Variants in P2RX7 observed in about 807,000 individuals in gnomAD.
P2RX7 encodes the protein P2X purinoceptor 7.
In P2RX7, 62 loss-of-function variants were observed where a neutral mutation model predicts 71.6. That is an observed-to-expected ratio of 0.87 (90% confidence interval 0.71 to 1.07). The LOEUF (loss-of-function observed/expected upper bound fraction) is 1.07, where lower values mean the gene tolerates loss of function less well. Ranked by LOEUF, P2RX7 falls within the 50% of genes least tolerant of loss-of-function variation. The probability of loss-of-function intolerance (pLI) is 0.00; values close to 1 mark genes in which losing one functional copy is unlikely to be tolerated. For synonymous variants in P2RX7, 299 were observed against 283.3 expected, an observed-to-expected ratio of 1.06 and a Z score of -0.56; for missense variants, 686 against 748.5, an observed-to-expected ratio of 0.92 and a Z score of 0.97.
At chr12:121,134,795 G>A (rs564362921) in intron 1 of P2RX7, among the ~76,000 whole-genome samples, 12 of 152,172 alleles carry the variant, frequency 7.9e-5, no homozygotes, top group Non-Finnish European at 1.5e-4. Context: ...CTTATTCTCT[G>A]TGCTGATTGA....
Position 121,186,471 on chromosome 12 carries a change from T to C in P2RX7, c.*1669T>C, listed in dbSNP as rs1020299788. Reference sequence around the variant, plus strand: ...AGGAACTTAGGTTTCCACTGGACAGTTCTAGAAGGGCTATAGACCAAATCA... The same window carrying C: ...AGGAACTTAGGTTTCCACTGGACAGCTCTAGAAGGGCTATAGACCAAATCA... On this transcript the variant is annotated 3_prime_UTR_variant, in exon 13 of 13. Coordinates refer to ENST00000328963, the MANE Select transcript of P2RX7 (RefSeq NM_002562.6). 1.3e-5 allele frequency: 2 copies of C among 152,270 alleles called. No individual in the cohort carries two copies. Among genetic ancestry groups the C allele is most frequent in the Non-Finnish European group, 2.9e-5 (2 of 68,110 alleles). The allele number at this position is 152,270 out of a possible 1,614,324, so 9.4% of individuals were successfully genotyped here.
In P2RX7 at chr12:121,154,896, A is replaced by G. The variant is rs200496294; in HGVS notation, c.237A>G (p.Gly79=). The G allele has an allele frequency of 1.2e-6, 2 of 1,614,068 alleles. No individual in the cohort carries two copies. The highest frequency in any genetic ancestry group is 1.7e-6 in the Non-Finnish European group (2 of 1,179,940). ...AEVKEEIVEN[G]VKKLVHSVFD... ...TGAAAGAGGAGATCGTGGAGAATGG[A>G]GTGAAGAAGTTGGTGCACAGTGTCT... Residue 79 remains glycine, a synonymous_variant, in exon 2 of 13, where the codon GGA becomes GGG. Coordinates refer to ENST00000328963, the MANE Select transcript of P2RX7 (RefSeq NM_002562.6). This position sits in a 1 kb window ranked among gnomAD's most constrained non-coding sequence, Gnocchi z 4.2.
At chr12:121,139,517 G>C (rs1442671806) in intron 1 of P2RX7, among the ~76,000 whole-genome samples, 1 of 152,184 alleles carries the variant, frequency 6.6e-6, no homozygotes, top group Non-Finnish European at 1.5e-5. Context: ...CAGGCTGGCT[G>C]TCGCTGTGGA....
At chr12:121,162,718 T>A (rs1279456998) in intron 5 of P2RX7, among the ~76,000 whole-genome samples, 198 bp downstream of exon 5, 3 of 152,102 alleles carry the variant, frequency 2.0e-5, no homozygotes, top group Admixed American at 6.6e-5. Flanking sequence ...TGGTAAACTG[T>A]TGTAACACTC....
chr12:121,165,250 T>A, intron 5 of P2RX7, 107 bp from the exon 6 acceptor site: 1 of 785,390 alleles, frequency 1.3e-6, no homozygotes, highest in East Asian at 2.5e-5. Flanking sequence ...TCTCTTCATG[T>A]ATCCCAAAGA....
intron 1 of P2RX7, among the ~76,000 whole-genome samples, chr12:121,141,837 G>A (rs189242570): frequency 5.9e-5 from 9 of 152,196 alleles, no homozygotes; most frequent in Admixed American, 3.9e-4. Flanking sequence ...CATGTTTAGG[G>A]AACACTCTGT....
At chr12:121,157,945 C>T (rs1878920421) in intron 3 of P2RX7, among the ~76,000 whole-genome samples, 1 of 152,196 alleles carries the variant, frequency 6.6e-6, no homozygotes, top group South Asian at 2.1e-4. Context: ...ACATGTTACT[C>T]CTCAGATAGG....
At chr12:121,150,953 T>C (rs1877262372) in intron 1 of P2RX7, among the ~76,000 whole-genome samples, 1 of 152,222 alleles carries the variant, frequency 6.6e-6, no homozygotes. Context: ...AAGTGTATTG[T>C]GCATAATATA....
rs1370271177 is a variant in P2RX7, at chr12:121,149,693, G to C, written c.126-5092G>C. Among the ~76,000 whole-genome samples, 7 of 152,122 alleles carry C rather than the reference G, an allele frequency of 4.6e-5. No homozygotes were observed. Among genetic ancestry groups the C allele is most frequent in the Admixed American group, 2.0e-4 (3 of 15,266 alleles). On this transcript the variant is annotated intron_variant, in intron 1 of 12. Transcript: ENST00000328963. The surrounding 1 kb of genome is among the most constrained non-coding windows in gnomAD (Gnocchi z 4.7). ...CAGCCAAACCATATCAGTGGCCCTG[G>C]CTTCTCTCCCATTAGCTCTGTTCTA... is the stretch of plus-strand genomic sequence containing the variant.
chr12:121,169,256 T>G (rs1881705263), intron 8 of P2RX7, among the ~76,000 whole-genome samples: 1 of 152,214 alleles, frequency 6.6e-6, no homozygotes, highest in Non-Finnish European at 1.5e-5. Flanking sequence ...TGTAAGCCAC[T>G]GCACCTGGCC....
intron 7 of P2RX7, among the ~76,000 whole-genome samples, chr12:121,167,169 T>TAAA (rs1179129491): frequency 6.6e-6 from 1 of 152,100 alleles, no homozygotes; most frequent in Non-Finnish European, 1.5e-5. Context: ...TCCAGTCTAA[T>TAAA]AAGTTTGGAC....
At position 121,184,456 on chromosome 12, in the gene P2RX7, G is replaced by A. The variant is rs1324545326; in HGVS notation, c.1442G>A (p.Ser481Asn). 1 of 1,614,188 alleles carries A rather than the reference G, an allele frequency of 6.2e-7. No individual in the cohort carries two copies. Residue 481 changes from serine to asparagine, a missense_variant, in exon 13 of 13, where the codon AGC (serine) becomes AAC (asparagine). Physicochemically the swap from Ser to Asn is conservative, Grantham distance 46 (BLOSUM62 1). Transcript: ENST00000328963. ...AGCCCCGTCTGGTGCCAGTGTGGAA[G>A]CTGCCTCCCATCTCAACTCCCTGAG... ...RDSPVWCQCG[S>N]CLPSQLPESH...
chr12:121,140,159 C>T (rs2135986139), intron 1 of P2RX7, among the ~76,000 whole-genome samples: 1 of 152,226 alleles, frequency 6.6e-6, no homozygotes, highest in South Asian at 2.1e-4. Flanking sequence ...GGAAGTGACC[C>T]CGTAGGAGGA....
chr12:121,176,870 A>G (rs1883243294), intron 9 of P2RX7, among the ~76,000 whole-genome samples: 1 of 151,736 alleles, frequency 6.6e-6, no homozygotes, highest in Non-Finnish European at 1.5e-5. Flanking sequence ...TTGTATGGAG[A>G]AATGATAGCC....
chr12:121,176,940 G>A (rs1730815521), intron 9 of P2RX7, among the ~76,000 whole-genome samples: 1 of 152,054 alleles, frequency 6.6e-6, no homozygotes, highest in African/African-American at 2.4e-5. Flanking sequence ...AAACCTTTAT[G>A]GGTCCAAGCA....
Position 121,165,438 on chromosome 12 carries a change from G to A in P2RX7, c.614+1G>A, listed in dbSNP as rs201409523. 110 of 1,612,764 alleles carry A rather than the reference G, an allele frequency of 6.8e-5. No homozygotes were observed. Among genetic ancestry groups the A allele is most frequent in the East Asian group, 8.9e-5 (4 of 44,872 alleles). Reference sequence around the variant, plus strand: ...ACTTCCCCGGCCACAACTACACCACGTAAGTGCCCAGGCTGCCTGGCTGTC... The same window carrying A: ...ACTTCCCCGGCCACAACTACACCACATAAGTGCCCAGGCTGCCTGGCTGTC... On this transcript the variant is annotated splice_donor_variant, in intron 6 of 12. Coordinates refer to ENST00000328963, the MANE Select transcript of P2RX7 (RefSeq NM_002562.6). LOFTEE classifies it high-confidence loss of function.
intron 1 of P2RX7, 36 bp downstream of exon 1, chr12:121,133,131 G>T: frequency 6.2e-7 from 1 of 1,612,936 alleles, no homozygotes; most frequent in Non-Finnish European, 8.5e-7. Flanking sequence ...GATCTCTGCA[G>T]TGGCCGACAG....
In P2RX7 at chr12:121,156,134, G is replaced by A. The variant is rs146441492; in HGVS notation, c.350G>A (p.Arg117Gln). The change falls in exon 3 of 13, where the codon CGG (arginine) becomes CAG (glutamine). Residue 117 changes from arginine to glutamine, a missense_variant. Physicochemically the swap from Arg to Gln is conservative, Grantham distance 43. Transcript: ENST00000328963. ...CTCAAAACAGAAGGCCAAGAGCAGC[G>A]GTTGTGTCCCGAGGTAAGGAGGGGA... ...NFLKTEGQEQRLCPEYPTRRT... is the reference protein window; with the variant it reads ...NFLKTEGQEQQLCPEYPTRRT... 191 of 1,614,098 alleles carry A rather than the reference G, an allele frequency of 1.2e-4. No individual in the cohort carries two copies. In the African/African-American group the frequency reaches 2.0e-3, roughly 17 times the overall value.
intron 3 of P2RX7, among the ~76,000 whole-genome samples, chr12:121,159,965 A>T (rs183606832): frequency 9.9e-5 from 15 of 152,244 alleles, no homozygotes; most frequent in Admixed American, 5.2e-4. Context: ...ATTTATTTGT[A>T]TTGGGATATA....
Sources: gnomAD v4.1 joint callset for allele counts (sites outside exome capture counted in the v4.1 genomes callset) on GRCh38, gnomAD v4.1.1 for gene constraint, Gnocchi (gnomAD v3.1) non-coding constraint, MANE v1.5 for transcripts, NCBI Gene and HGNC (gene_info 2026-07-23, HGNC 2026-07-21) for gene names.